Variants in OCIAD2 observed in about 807,000 individuals in gnomAD.
The protein encoded by OCIAD2 is OCIA domain containing 2.
In OCIAD2, 29 loss-of-function variants were observed where a neutral mutation model predicts 22.9. The ratio of observed to expected loss-of-function variants is 1.27; its 90% CI spans 0.94 to 1.73. The LOEUF (loss-of-function observed/expected upper bound fraction) is 1.73. Ranked by LOEUF, OCIAD2 falls within the 40% of genes most tolerant of loss-of-function variation. The pLI, the probability that OCIAD2 is intolerant of heterozygous loss-of-function variation, is 0.00. For synonymous variants in OCIAD2, 67 were observed against 60.2 expected (o/e 1.11, Z -0.52); for missense variants, 189 against 180.3 (o/e 1.05, Z -0.28).
Position 48,904,345 on chromosome 4 carries a change from G to T in OCIAD2, c.66+139C>A. ...TGCACCTGTCATCCCAGTTAAGTGA[G>T]AAGCTCAAGTAGGAGGATCACTTAA... is the stretch of plus-strand genomic sequence containing the variant. On this transcript the variant is annotated intron_variant, in intron 2 of 6. Transcript: ENST00000508632. The T allele has an allele frequency of 2.6e-6, 2 of 777,674 alleles. 1 individual carries two copies. The highest frequency in any genetic ancestry group is 5.1e-5 in the East Asian group (2 of 39,286). The allele number at this position is 777,674 out of a possible 1,614,324, so 48.2% of individuals were successfully genotyped here.
intron 2 of OCIAD2, among the ~76,000 whole-genome samples, chr4:48,901,949 G>C (rs530906347): frequency 8.5e-4 from 127 of 149,916 alleles, no homozygotes; most frequent in African/African-American, 2.9e-3. Flanking sequence ...GGGGAGGCGT[G>C]GGGGGGGCGT....
intron 6 of OCIAD2, among the ~76,000 whole-genome samples, chr4:48,888,415 A>G (rs1781059287): frequency 6.6e-6 from 1 of 152,180 alleles, no homozygotes; most frequent in Non-Finnish European, 1.5e-5. Context: ...GTCTTGTGCC[A>G]GTTTTCAAAA....
intron 6 of OCIAD2, among the ~76,000 whole-genome samples, chr4:48,887,819 G>A (rs993190367): frequency 3.2e-4 from 49 of 152,212 alleles, no homozygotes; most frequent in African/African-American, 1.0e-3. Flanking sequence ...TTGGCAATGC[G>A]GGCTCTTTTT....
chr4:48,900,874 G>A (rs77940764), intron 2 of OCIAD2, among the ~76,000 whole-genome samples: 6,422 of 152,092 alleles, frequency 0.042, 207 homozygotes, highest in East Asian at 0.17. Flanking sequence ...GATTACAGGC[G>A]TAAGTCACTG....
At chr4:48,903,936 C>T (rs191918005) in intron 2 of OCIAD2, among the ~76,000 whole-genome samples, 59 of 151,904 alleles carry the variant, frequency 3.9e-4, no homozygotes, top group African/African-American at 1.2e-3. Context: ...TGAGCCACCG[C>T]GCCCAGCCAA....
In OCIAD2 at chr4:48,885,567, T is replaced by A. The variant is rs755368529; in HGVS notation, c.384-2A>T. 34 of 1,585,550 alleles carry A rather than the reference T, an allele frequency of 2.1e-5. No homozygotes were observed. Among genetic ancestry groups the A allele is most frequent in the Non-Finnish European group, 2.9e-5 (33 of 1,154,634 alleles). On this transcript the variant is annotated splice_acceptor_variant, in intron 6 of 6. Coordinates refer to ENST00000508632, the MANE Select transcript of OCIAD2 (RefSeq NM_001014446.3). LOFTEE classifies it high-confidence loss of function. ...TCCTCACAGGTAAGGAGGCAGTGCC[T>A]AGAAGAGAAGCAAAAATAGACAGCG... is the stretch of plus-strand genomic sequence containing the variant.
chr4:48,897,922 G>A (rs567025437), intron 3 of OCIAD2, 65 bp from the exon 4 acceptor site: 2 of 1,108,854 alleles, frequency 1.8e-6, no homozygotes, highest in Admixed American at 1.9e-5. Context: ...TAGAAGTTAG[G>A]GAAAATTATT....
chr4:48,902,114 C>A (rs1390328872), intron 2 of OCIAD2, among the ~76,000 whole-genome samples: 1 of 152,004 alleles, frequency 6.6e-6, no homozygotes, highest in East Asian at 1.9e-4. Flanking sequence ...CTATAGAAGT[C>A]ACACTCATAT....
rs749218987 is a variant in OCIAD2, at chr4:48,892,841, A to G, written c.314T>C (p.Val105Ala). Residue 105 changes from valine to alanine, a missense_variant, in exon 6 of 7, where the codon GTA becomes GCA. Coordinates refer to ENST00000508632, the MANE Select transcript of OCIAD2 (RefSeq NM_001014446.3). ...FGLGKVSYIG[V>A]CQSKFHFFED... ...AAAAAAATGGAATTTACTCTGGCAT[A>G]CTCCTATGTATGATACCTTTCCAAG... 2.1e-5 allele frequency: 34 copies of G among 1,612,650 alleles called. No homozygotes were observed. In the Middle Eastern group the frequency reaches 4.9e-4, roughly 23 times the overall value.
At chr4:48,905,211 G>T (rs1781499585) in intron 1 of OCIAD2, among the ~76,000 whole-genome samples, 1 of 152,074 alleles carries the variant, frequency 6.6e-6, no homozygotes, top group African/African-American at 2.4e-5. Context: ...TTGGATTTGG[G>T]TGCCTGTGGG....
chr4:48,895,677 T>G (rs1294852214), intron 4 of OCIAD2, among the ~76,000 whole-genome samples: 1 of 152,150 alleles, frequency 6.6e-6, no homozygotes, highest in Non-Finnish European at 1.5e-5. Flanking sequence ...GAAGGAGACA[T>G]TCACACCACA....
chr4:48,897,972 A>G, intron 3 of OCIAD2, 115 bp from the exon 4 acceptor site: 2 of 725,196 alleles, frequency 2.8e-6, no homozygotes, highest in East Asian at 2.6e-5. Flanking sequence ...GTGAATTTTT[A>G]TTCATTTGTT....
chr4:48,892,563 T>A (rs1178460243), intron 6 of OCIAD2, among the ~76,000 whole-genome samples: 1 of 152,190 alleles, frequency 6.6e-6, no homozygotes, highest in Non-Finnish European at 1.5e-5. Flanking sequence ...AGATTCCCAT[T>A]AAATATTTAT....
intron 6 of OCIAD2, among the ~76,000 whole-genome samples, chr4:48,885,817 A>G (rs1780970142): frequency 6.6e-6 from 1 of 152,192 alleles, no homozygotes; most frequent in African/African-American, 2.4e-5. Flanking sequence ...AGTCTATGCT[A>G]AAGTTCACTA....
At chr4:48,890,269 A>T (rs1050755388) in intron 6 of OCIAD2, among the ~76,000 whole-genome samples, 1 of 151,740 alleles carries the variant, frequency 6.6e-6, no homozygotes, top group African/African-American at 2.4e-5. Flanking sequence ...AAAAAGAAAT[A>T]ATAGGAGTTG....
At position 48,887,741 on chromosome 4, in the gene OCIAD2, A is replaced by C. The variant is rs551298544; in HGVS notation, c.384-2176T>G. ...TACCATGCTGTTTTGGTTACTGTAGACTTGTAGTATAGTTTGAAGTCAGGT... is the reference window on the plus strand; with the variant it reads ...TACCATGCTGTTTTGGTTACTGTAGCCTTGTAGTATAGTTTGAAGTCAGGT... On this transcript the variant is annotated intron_variant, in intron 6 of 6. Transcript: ENST00000508632. Among the ~76,000 whole-genome samples, 839 of 152,058 alleles carry C rather than the reference A, an allele frequency of 5.5e-3. 9 individuals are homozygous for C. Among genetic ancestry groups the C allele is most frequent in the Admixed American group, 0.019 (290 of 15,260 alleles).
At chr4:48,888,826 TG>T (rs1781074164) in intron 6 of OCIAD2, among the ~76,000 whole-genome samples, 1 of 152,218 alleles carries the variant, frequency 6.6e-6, no homozygotes, top group Non-Finnish European at 1.5e-5. Context: ...TGCCAGGCTT[TG>T]GTATCAAGAT....
chr4:48,886,183 A>T (rs1266395848), intron 6 of OCIAD2, among the ~76,000 whole-genome samples: 2 of 152,162 alleles, frequency 1.3e-5, no homozygotes, highest in Non-Finnish European at 2.9e-5. Context: ...TAAATAGGGA[A>T]TCCTTTCCTT....
At chr4:48,891,784 G>A (rs1781184668) in intron 6 of OCIAD2, among the ~76,000 whole-genome samples, 3 of 152,164 alleles carry the variant, frequency 2.0e-5, no homozygotes, top group African/African-American at 7.2e-5. Context: ...CTGTAAATAT[G>A]GAATTATAGA....
Sources: gnomAD v4.1 joint callset for allele counts (sites outside exome capture counted in the v4.1 genomes callset) on GRCh38, gnomAD v4.1.1 for gene constraint, MANE v1.5 for transcripts, NCBI Gene and HGNC (gene_info 2026-07-23, HGNC 2026-07-21) for gene names.